Variants in PEPD observed in about 807,000 individuals in gnomAD.
The protein encoded by PEPD is xaa-Pro dipeptidase.
PEPD carries 53 observed loss-of-function variants against 60.7 expected under a neutral mutation model. That is an observed-to-expected ratio of 0.87 (90% CI 0.70 to 1.10). The LOEUF (loss-of-function observed/expected upper bound fraction) is 1.10, where lower values mean the gene tolerates loss of function less well. PEPD is among the 50% of genes least tolerant of loss of function. PEPD has a pLI of 0.00. For synonymous variants in PEPD, 267 were observed against 284.1 expected (o/e 0.94, Z 0.60); for missense variants, 711 against 711.9 (o/e 1.00, Z 0.01).
intron 11 of PEPD, among the ~76,000 whole-genome samples, chr19:33,406,443 C>T (rs1568454847): frequency 6.6e-6 from 1 of 152,244 alleles, no homozygotes; most frequent in East Asian, 1.9e-4. Flanking sequence ...GGTCTGGACC[C>T]TCCTGAGGGC....
chr19:33,449,112 G>A (rs1969648871), intron 9 of PEPD, among the ~76,000 whole-genome samples: 1 of 152,232 alleles, frequency 6.6e-6, no homozygotes, highest in African/African-American at 2.4e-5. Context: ...AAATGGGGGT[G>A]TGGCCAAAGC....
chr19:33,498,054 C>G (rs945284157), intron 4 of PEPD, among the ~76,000 whole-genome samples: 1 of 151,930 alleles, frequency 6.6e-6, no homozygotes, highest in Non-Finnish European at 1.5e-5. Flanking sequence ...GTCCCTGCCC[C>G]GCTGTGTCCC....
At chr19:33,409,748 C>T (rs1324791555) in intron 11 of PEPD, among the ~76,000 whole-genome samples, 1 of 152,322 alleles carries the variant, frequency 6.6e-6, no homozygotes, top group Non-Finnish European at 1.5e-5. Flanking sequence ...GCTGCCACCC[C>T]CTCTCCTGCT....
At chr19:33,500,351 G>A (rs755364177) in intron 4 of PEPD, among the ~76,000 whole-genome samples, 1 of 152,234 alleles carries the variant, frequency 6.6e-6, no homozygotes, top group Non-Finnish European at 1.5e-5. Context: ...GCAGGAAGGA[G>A]AGCTGGAGTC....
chr19:33,468,384 C>T (rs73037106), intron 7 of PEPD, among the ~76,000 whole-genome samples: 1,644 of 152,364 alleles, frequency 0.011, 12 homozygotes, highest in Middle Eastern at 0.024. Context: ...TGTCTGAGGA[C>T]GCAGACCAGC....
chr19:33,456,551 C>T (rs895123487), intron 9 of PEPD, among the ~76,000 whole-genome samples: 2 of 152,196 alleles, frequency 1.3e-5, no homozygotes, highest in Non-Finnish European at 2.9e-5. Flanking sequence ...GGTGTTTCTC[C>T]AGCCCAGACC....
intron 11 of PEPD, among the ~76,000 whole-genome samples, chr19:33,402,416 C>G (rs1156421595): frequency 1.3e-5 from 2 of 152,192 alleles, no homozygotes; most frequent in Non-Finnish European, 2.9e-5. Flanking sequence ...GCCTGAATCA[C>G]ACCACCTGCT....
chr19:33,464,234 C>G (rs1006886961), intron 7 of PEPD, among the ~76,000 whole-genome samples, 172 bp from the exon 8 acceptor site: 1 of 152,220 alleles, frequency 6.6e-6, no homozygotes. Context: ...ATGGAACAGT[C>G]TAGAAGAAAA....
intron 9 of PEPD, among the ~76,000 whole-genome samples, chr19:33,420,501 G>A (rs1055836508): frequency 2.6e-5 from 4 of 152,078 alleles, no homozygotes; most frequent in African/African-American, 7.2e-5. Context: ...TCAGGAGTTC[G>A]AGACCAGCCT....
intron 9 of PEPD, among the ~76,000 whole-genome samples, chr19:33,430,639 T>C (rs1969250283): frequency 6.6e-6 from 1 of 152,242 alleles, no homozygotes; most frequent in African/African-American, 2.4e-5. Flanking sequence ...TACTGGCATA[T>C]GTATCTTTTT....
chr19:33,406,132 G>A (rs755644832), intron 11 of PEPD, among the ~76,000 whole-genome samples: 15 of 152,222 alleles, frequency 9.9e-5, no homozygotes, highest in Non-Finnish European at 1.3e-4. Context: ...CGGGCGTCAG[G>A]GCAGTGGCCT....
chr19:33,406,169 C>T (rs551688567), intron 11 of PEPD, among the ~76,000 whole-genome samples: 58 of 152,296 alleles, frequency 3.8e-4, no homozygotes, highest in African/African-American at 1.3e-3. Context: ...GAGTCACACG[C>T]GCAGCACATG....
At chr19:33,458,637 G>A (rs1308915397) in intron 9 of PEPD, among the ~76,000 whole-genome samples, 4 of 145,034 alleles carry the variant, frequency 2.8e-5, no homozygotes, top group Admixed American at 1.4e-4. Flanking sequence ...TGTGTGGCGT[G>A]TGTGTTGTGT....
At chr19:33,471,345 A>T (rs1970116876) in intron 7 of PEPD, among the ~76,000 whole-genome samples, 1 of 152,192 alleles carries the variant, frequency 6.6e-6, no homozygotes, top group Non-Finnish European at 1.5e-5. Context: ...GTTATCTCAC[A>T]GCACAAACAC....
chr19:33,419,006 C>T (rs1968951888), intron 9 of PEPD, among the ~76,000 whole-genome samples: 2 of 152,324 alleles, frequency 1.3e-5, no homozygotes, highest in East Asian at 1.9e-4. Context: ...ATGCGGTGCT[C>T]GGCTTCAGCA....
At chr19:33,494,320 A>C (rs1970556837) in intron 4 of PEPD, among the ~76,000 whole-genome samples, 1 of 152,206 alleles carries the variant, frequency 6.6e-6, no homozygotes, top group African/African-American at 2.4e-5. Context: ...TTGTTGTTTT[A>C]ACAGCTTGAT....
chr19:33,400,063 C>T (rs1968453624), intron 12 of PEPD, among the ~76,000 whole-genome samples: 3 of 152,168 alleles, frequency 2.0e-5, no homozygotes, highest in Admixed American at 2.0e-4. Flanking sequence ...CCCCTCTGCC[C>T]GCGGTAAGCC....
chr19:33,464,120 A>G (rs986830992), intron 7 of PEPD, 58 bp from the exon 8 acceptor site: 20 of 1,293,290 alleles, frequency 1.5e-5, no homozygotes, highest in Admixed American at 3.5e-5. Flanking sequence ...CACTGGCTGG[A>G]CCCCTCCAGG....
At chr19:33,471,545 AG>A (rs1882799616) in intron 7 of PEPD, among the ~76,000 whole-genome samples, 1 of 152,126 alleles carries the variant, frequency 6.6e-6, no homozygotes, top group Admixed American at 6.5e-5. Flanking sequence ...CTGGAGTGAG[AG>A]ATGCATGGTC....
Sources: allele counts gnomAD v4.1 joint callset (sites outside exome capture counted in the v4.1 genomes callset), GRCh38; gene constraint gnomAD v4.1.1; transcripts MANE v1.5; gene names NCBI Gene and HGNC (gene_info 2026-07-23, HGNC 2026-07-21).